Variants in CSMD1 observed in about 807,000 individuals in gnomAD.
CSMD1 encodes the protein CUB and sushi domain-containing protein 1.
In CSMD1, 213 loss-of-function variants were observed where a neutral mutation model predicts 417.5. That is an observed-to-expected ratio of 0.51 (90% CI 0.46 to 0.57). The LOEUF (loss-of-function observed/expected upper bound fraction) is 0.57, where lower values mean the gene tolerates loss of function less well. Among genes scored for constraint, CSMD1 ranks in the 20% least tolerant of loss-of-function variants. The pLI is 0.00. For missense variants in CSMD1, 6,923 were observed against 4,529.7 expected, an observed-to-expected ratio of 1.53 and a Z score of -15.17; for synonymous variants, 2,862 against 1,736.8, an observed-to-expected ratio of 1.65 and a Z score of -16.11.
intron 1 of CSMD1, among the ~76,000 whole-genome samples, chr8:4,952,784 C>T (rs985906287): frequency 5.3e-5 from 8 of 152,170 alleles, no homozygotes; most frequent in Admixed American, 4.6e-4. Context: ...TTATAGCTTA[C>T]ATCCTAATGA....
intron 3 of CSMD1, among the ~76,000 whole-genome samples, chr8:4,212,748 ATTC>A (rs140308400): frequency 1.6e-4 from 16 of 101,882 alleles, no homozygotes; most frequent in Admixed American, 3.7e-4. Context: ...CAGCGGCCTT[ATTC>A]TTTTTTTTTT....
intron 5 of CSMD1, among the ~76,000 whole-genome samples, chr8:3,977,860 T>C (rs945438223): frequency 6.6e-6 from 1 of 152,162 alleles, no homozygotes; most frequent in African/African-American, 2.4e-5. Context: ...CTAAGGAAAA[T>C]AGGCTGAGAA....
intron 41 of CSMD1, among the ~76,000 whole-genome samples, chr8:3,141,832 C>T (rs1281459023): frequency 6.7e-6 from 1 of 149,678 alleles, no homozygotes; most frequent in Non-Finnish European, 1.5e-5. Flanking sequence ...GAGTCTGGCT[C>T]TGTCGCCCAG....
intron 41 of CSMD1, among the ~76,000 whole-genome samples, chr8:3,132,079 G>C (rs992588690): frequency 6.6e-6 from 1 of 152,094 alleles, no homozygotes; most frequent in Non-Finnish European, 1.5e-5. Flanking sequence ...GTTCACACGT[G>C]GCCTCCAGGT....
chr8:3,684,164 A>T, intron 7 of CSMD1, among the ~76,000 whole-genome samples: 1 of 142,656 alleles, frequency 7.0e-6, no homozygotes, highest in Admixed American at 7.4e-5. Flanking sequence ...AATTTATATA[A>T]TATATATTTA....
intron 6 of CSMD1, among the ~76,000 whole-genome samples, chr8:3,738,185 T>C (rs1796620960): frequency 6.6e-6 from 1 of 152,320 alleles, no homozygotes; most frequent in East Asian, 1.9e-4. Flanking sequence ...TCTATACATT[T>C]AATAAGCACA....
At chr8:4,707,023 T>C (rs1034887996) in intron 1 of CSMD1, among the ~76,000 whole-genome samples, 38 of 152,174 alleles carry the variant, frequency 2.5e-4, no homozygotes, top group African/African-American at 7.2e-4. Flanking sequence ...GACAATGTCA[T>C]TGACAGATCT....
chr8:4,787,701 C>G, intron 1 of CSMD1: 1 of 1,592,480 alleles, frequency 6.3e-7, no homozygotes, highest in Non-Finnish European at 8.6e-7. Flanking sequence ...AGTTGTTTTT[C>G]AAGGATGCTG....
chr8:3,513,895 A>C lies in CSMD1; in HGVS notation c.1345-20169T>G, dbSNP rs1363922492. Reference sequence around the variant, plus strand: ...AGTAGATAAACACACAAAGGTTATAACCACAGAATAATTCAGGCCAGAACA... The same window carrying C: ...AGTAGATAAACACACAAAGGTTATACCCACAGAATAATTCAGGCCAGAACA... On this transcript the variant is annotated intron_variant, in intron 10 of 69. Transcript: ENST00000635120. Among the ~76,000 whole-genome samples, 5 of 152,352 alleles carry C rather than the reference A, an allele frequency of 3.3e-5. No homozygotes were observed. The East Asian group carries it at 9.6e-4, about 29-fold the overall frequency.
chr8:3,471,239 A>G (rs1331925936), intron 11 of CSMD1, among the ~76,000 whole-genome samples: 2 of 152,196 alleles, frequency 1.3e-5, no homozygotes, highest in African/African-American at 2.4e-5. Context: ...ATGATGTACA[A>G]CATTGTCTCA....
chr8:3,274,425 C>A (rs1470260832), intron 26 of CSMD1, among the ~76,000 whole-genome samples: 1 of 152,022 alleles, frequency 6.6e-6, no homozygotes, highest in East Asian at 1.9e-4. Context: ...GTGGAGAGTT[C>A]TGTAGATGTC....
intron 3 of CSMD1, among the ~76,000 whole-genome samples, chr8:4,367,643 G>T (rs576863534): frequency 6.6e-6 from 1 of 152,164 alleles, no homozygotes; most frequent in East Asian, 1.9e-4. Flanking sequence ...TCTGTAAATT[G>T]CTTTGGGTGG....
chr8:4,876,063 A>G (rs1207247580), intron 1 of CSMD1, among the ~76,000 whole-genome samples: 2 of 152,138 alleles, frequency 1.3e-5, no homozygotes, highest in Non-Finnish European at 2.9e-5. Flanking sequence ...TCTTCAGAAA[A>G]CTAGCAGATA....
At chr8:4,231,398 T>C (rs1801720491) in intron 3 of CSMD1, among the ~76,000 whole-genome samples, 2 of 152,170 alleles carry the variant, frequency 1.3e-5, no homozygotes, top group African/African-American at 4.8e-5. Flanking sequence ...AGCATATTTG[T>C]CTCACAAAGT....
intron 3 of CSMD1, among the ~76,000 whole-genome samples, chr8:4,093,066 G>T (rs1269546354): frequency 6.6e-6 from 1 of 152,114 alleles, no homozygotes; most frequent in Admixed American, 6.5e-5. Flanking sequence ...TGAACAAGTT[G>T]TGTTCTGAAT....
chr8:3,654,296 C>T (rs900171429), intron 7 of CSMD1, among the ~76,000 whole-genome samples: 7 of 152,034 alleles, frequency 4.6e-5, no homozygotes, highest in African/African-American at 2.4e-5. Context: ...AATAGAAATA[C>T]AAAGATTTAT....
At chr8:3,889,534 TAC>T (rs1806810015) in intron 5 of CSMD1, among the ~76,000 whole-genome samples, 1 of 108,892 alleles carries the variant, frequency 9.2e-6, no homozygotes, top group East Asian at 3.2e-4. Flanking sequence ...TATATATACA[TAC>T]ACACATATGT....
At chr8:3,302,137 T>A (rs1478104238) in intron 25 of CSMD1, among the ~76,000 whole-genome samples, 1 of 152,004 alleles carries the variant, frequency 6.6e-6, no homozygotes, top group Non-Finnish European at 1.5e-5. Context: ...AAATAGGGAA[T>A]GATGACAATA....
chr8:3,167,171 G>A (rs1411328167), intron 37 of CSMD1, among the ~76,000 whole-genome samples: 1 of 151,894 alleles, frequency 6.6e-6, no homozygotes, highest in Non-Finnish European at 1.5e-5. Flanking sequence ...TGTAATCGCA[G>A]GTACTTGGGA....
Sources: allele counts gnomAD v4.1 joint callset (sites outside exome capture counted in the v4.1 genomes callset), GRCh38; gene constraint gnomAD v4.1.1; transcripts MANE v1.5; gene names NCBI Gene and HGNC (gene_info 2026-07-23, HGNC 2026-07-21).